The following DNAJC13 variants were observed in gnomAD, a reference collection of about 807,000 sequenced individuals.
DNAJC13 encodes the protein DnaJ heat shock protein family (Hsp40) member C13, also known as dnaJ homolog subfamily C member 13.
In DNAJC13, 75 loss-of-function variants were observed where a neutral mutation model predicts 290.5. The ratio of observed to expected loss-of-function variants is 0.26; its 90% CI spans 0.21 to 0.31. The LOEUF is 0.31. DNAJC13 is among the 10% of genes least tolerant of loss of function. DNAJC13 has a pLI of 1.00. For missense variants in DNAJC13, 2,260 were observed against 2,674.5 expected, an observed-to-expected ratio of 0.85 and a Z score of 3.42; for synonymous variants, 862 against 892.0, an observed-to-expected ratio of 0.97 and a Z score of 0.60.
intron 54 of DNAJC13, among the ~76,000 whole-genome samples, chr3:132,528,936 C>T (rs1936336342): frequency 6.6e-6 from 1 of 152,036 alleles, no homozygotes; most frequent in Non-Finnish European, 1.5e-5. Context: ...ATAGCCCCAT[C>T]TACTAATGCT....
intron 33 of DNAJC13, 78 bp downstream of exon 33, chr3:132,492,693 G>T (rs1935101049): frequency 1.4e-5 from 18 of 1,243,444 alleles, no homozygotes; most frequent in South Asian, 4.0e-5. Context: ...TTGTCCTCCT[G>T]CAGTAAGATG....
chr3:132,502,311 T>C lies in DNAJC13; in HGVS notation c.4559T>C (p.Leu1520Pro). 6.2e-7 allele frequency: 1 copy of C among 1,613,688 alleles called. No individual in the cohort carries two copies. The highest frequency in any genetic ancestry group is 1.7e-5 in the Admixed American group (1 of 59,994). The change falls in exon 40 of 56, where the codon CTT becomes CCT. Residue 1520 changes from leucine (L) to proline (P), a missense_variant. Around this residue, in one of 3 missense-constraint regions of DNAJC13, gnomAD observed 1,494 missense variants for 1,693.7 expected, o/e 0.88. Coordinates refer to ENST00000260818, the MANE Select transcript of DNAJC13 (RefSeq NM_015268.4). ...FGKSIPRVAA[L>P]GVECVSSFAV... ...CAGAGTATTCCCCGCGTAGCTGCTC[T>C]TGGGGTAGAATGTGTCAGTTCTTTT...
chr3:132,422,154 CTTAGTATCT>C (rs980668750), intron 1 of DNAJC13, among the ~76,000 whole-genome samples: 1 of 151,694 alleles, frequency 6.6e-6, no homozygotes, highest in Admixed American at 6.6e-5. Flanking sequence ...CCTTAGCCTC[CTTAGTATCT>C]GGAGCCATAG....
At chr3:132,454,426 A>G (rs1033724724) in intron 9 of DNAJC13, among the ~76,000 whole-genome samples, 3 of 150,058 alleles carry the variant, frequency 2.0e-5, no homozygotes, top group African/African-American at 7.4e-5. Flanking sequence ...GGTTCAAGCA[A>G]TTCTCCTGCC....
At chr3:132,450,512 A>G in intron 5 of DNAJC13, 135 bp from the exon 6 acceptor site, 2 of 599,062 alleles carry the variant, frequency 3.3e-6, no homozygotes, top group East Asian at 2.8e-5. Flanking sequence ...AGTTTTAACA[A>G]TTTGGATAGT....
intron 41 of DNAJC13, 36 bp from the exon 42 acceptor site, chr3:132,505,266 C>T: frequency 7.4e-7 from 1 of 1,347,220 alleles, no homozygotes; most frequent in South Asian, 1.2e-5. Flanking sequence ...TAAGTTTTTT[C>T]ACTAAATGTT....
intron 36 of DNAJC13, among the ~76,000 whole-genome samples, chr3:132,497,376 T>G (rs1935266459): frequency 6.6e-6 from 1 of 152,134 alleles, no homozygotes. Flanking sequence ...GAACTTGACT[T>G]ACAGCACAAA....
intron 42 of DNAJC13, 75 bp from the exon 43 acceptor site, chr3:132,507,162 A>G (rs1935620226): frequency 1.0e-6 from 1 of 957,094 alleles, no homozygotes. Flanking sequence ...CTCTCAAGTT[A>G]TTTATCTGTT....
At chr3:132,426,059 C>T (rs1379168862) in intron 1 of DNAJC13, among the ~76,000 whole-genome samples, 3 of 151,758 alleles carry the variant, frequency 2.0e-5, no homozygotes, top group Admixed American at 2.0e-4. Context: ...AATGGTTTGC[C>T]AGTATTACTG....
At position 132,496,765 on chromosome 3, in the gene DNAJC13, A is replaced by T. The variant is rs1029077262; in HGVS notation, c.4156+102A>T. The T allele has an allele frequency of 6.6e-6, 7 of 1,062,038 alleles. No individual in the cohort carries two copies. In the South Asian group the frequency reaches 2.5e-4, roughly 38 times the overall value. The allele number at this position is 1,062,038 out of a possible 1,614,324, so 65.8% of individuals were successfully genotyped here. A position where few individuals can be genotyped will look rare whatever the true frequency, so the allele number is the denominator to read the frequency against. On this transcript the variant is annotated intron_variant, in intron 36 of 55. Coordinates refer to ENST00000260818, the MANE Select transcript of DNAJC13 (RefSeq NM_015268.4). Reference sequence around the variant, plus strand: ...TTTCTACAGCATATTTAATAGATTTAGAATTATTGTTTAAAAGATTCTTGG... The same window carrying T: ...TTTCTACAGCATATTTAATAGATTTTGAATTATTGTTTAAAAGATTCTTGG...
In DNAJC13 at chr3:132,538,908, T is replaced by G. The variant is rs762291394; in HGVS notation, c.*626T>G. 1.3e-5 allele frequency: 2 copies of G among 152,670 alleles called. No individual in the cohort carries two copies. Among genetic ancestry groups the G allele is most frequent in the Non-Finnish European group, 2.9e-5 (2 of 68,056 alleles). 9.5% of individuals were successfully genotyped at this position (152,670 alleles called of 1,614,324 possible). On this transcript the variant is annotated 3_prime_UTR_variant, in exon 56 of 56. Coordinates refer to ENST00000260818, the MANE Select transcript of DNAJC13 (RefSeq NM_015268.4). Reference sequence around the variant, plus strand: ...ATGTTATGTAAAAGATGAGTGTAATTGTGAAATGTTCTATACACTATCAAA... The same window carrying G: ...ATGTTATGTAAAAGATGAGTGTAATGGTGAAATGTTCTATACACTATCAAA...
intron 2 of DNAJC13, 87 bp from the exon 3 acceptor site, chr3:132,446,388 T>A: frequency 1.1e-6 from 1 of 872,818 alleles, no homozygotes; most frequent in South Asian, 1.6e-5. Context: ...TTCTATGTAT[T>A]GAACTGTTTG....
chr3:132,445,791 A>T (rs1353643882), intron 2 of DNAJC13, among the ~76,000 whole-genome samples: 1 of 152,048 alleles, frequency 6.6e-6, no homozygotes, highest in Non-Finnish European at 1.5e-5. Flanking sequence ...CAAAGAACTA[A>T]TTATTTTGCT....
At chr3:132,511,426 T>G (rs1309785863) in intron 44 of DNAJC13, among the ~76,000 whole-genome samples, 182 bp downstream of exon 44, 1 of 152,016 alleles carries the variant, frequency 6.6e-6, no homozygotes, top group Non-Finnish European at 1.5e-5. Flanking sequence ...GGGAGAGAGG[T>G]CAAGGCACTA....
chr3:132,454,282 C>A, intron 9 of DNAJC13, 125 bp downstream of exon 9: 5 of 471,518 alleles, frequency 1.1e-5, no homozygotes, highest in Non-Finnish European at 1.4e-5. Context: ...AAGACATTTT[C>A]TTGCATATTT....
intron 2 of DNAJC13, 60 bp from the exon 3 acceptor site, chr3:132,446,415 T>G (rs1195146235): frequency 8.3e-7 from 1 of 1,209,568 alleles, no homozygotes; most frequent in East Asian, 2.6e-5. Context: ...GTTATATATA[T>G]TTTCTTATAA....
chr3:132,430,991 A>T (rs943467333), intron 1 of DNAJC13, among the ~76,000 whole-genome samples: 4 of 152,200 alleles, frequency 2.6e-5, no homozygotes, highest in African/African-American at 7.2e-5. Flanking sequence ...TTCTGGTAAC[A>T]ATAAAAGCTT....
In DNAJC13 at chr3:132,483,431, A is replaced by G. The variant is rs1011013745; in HGVS notation, c.3036A>G (p.Gln1012=). ...MLNAKTRCWA[Q]GMDGWRPLQS... ...ATGCAAAAACCAGATGCTGGGCTCA[A>G]GGCATGGATGGATGGCGACCACTTC... The change falls in exon 28 of 56, where the codon CAA becomes CAG. Residue 1012 remains glutamine (Q), a synonymous_variant. Coordinates refer to ENST00000260818, the MANE Select transcript of DNAJC13 (RefSeq NM_015268.4). The G allele has an allele frequency of 6.2e-7, 1 of 1,614,030 alleles. No individual in the cohort carries two copies. The highest frequency in any genetic ancestry group is 1.7e-5 in the Admixed American group (1 of 60,000).
At chr3:132,506,045 C>A (rs1028770405) in intron 42 of DNAJC13, among the ~76,000 whole-genome samples, 1 of 72,646 alleles carries the variant, frequency 1.4e-5, no homozygotes. Context: ...TGTACATTAT[C>A]TTTTTTTTTT....
Sources: gnomAD v4.1 joint callset for allele counts (sites outside exome capture counted in the v4.1 genomes callset) on GRCh38, gnomAD v4.1.1 for gene constraint, gnomAD v4.1.1 regional missense constraint, MANE v1.5 for transcripts, NCBI Gene and HGNC (gene_info 2026-07-23, HGNC 2026-07-21) for gene names.